Variants in PITPNC1 observed in about 807,000 individuals in gnomAD.
The protein encoded by PITPNC1 is cytoplasmic phosphatidylinositol transfer protein 1.
Under a neutral mutation model 44.7 loss-of-function variants are expected in PITPNC1, and 18 were observed. That is an observed-to-expected ratio of 0.40 (90% CI 0.28 to 0.60). The LOEUF is 0.60. Among genes scored for constraint, PITPNC1 ranks in the 20% least tolerant of loss-of-function variants. The probability of loss-of-function intolerance (pLI) is 0.39; values close to 1 mark genes in which losing one functional copy is unlikely to be tolerated. For missense variants in PITPNC1, 290 were observed against 418.4 expected, an observed-to-expected ratio of 0.69 and a Z score of 2.68; for synonymous variants, 141 against 149.6, an observed-to-expected ratio of 0.94 and a Z score of 0.42.
intron 6 of PITPNC1, among the ~76,000 whole-genome samples, chr17:67,652,689 A>G (rs1357377758): frequency 3.3e-5 from 5 of 152,206 alleles, no homozygotes; most frequent in Admixed American, 2.6e-4. Flanking sequence ...CCCTTGAGGC[A>G]AGAGCATCGC....
intron 6 of PITPNC1, among the ~76,000 whole-genome samples, chr17:67,643,922 C>G (rs969575793): frequency 1.3e-5 from 2 of 152,174 alleles, no homozygotes. Flanking sequence ...AGTGGCGTCA[C>G]AGGAGTTTGT....
At chr17:67,424,175 T>G (rs2038711021) in intron 1 of PITPNC1, among the ~76,000 whole-genome samples, 1 of 148,192 alleles carries the variant, frequency 6.7e-6, no homozygotes, top group Non-Finnish European at 1.5e-5. Flanking sequence ...GCAGGAAAAC[T>G]AGCGAATGGT....
intron 1 of PITPNC1, among the ~76,000 whole-genome samples, chr17:67,529,517 A>G (rs2040433336): frequency 6.6e-6 from 1 of 152,230 alleles, no homozygotes; most frequent in Non-Finnish European, 1.5e-5. Flanking sequence ...AGTGGCATCT[A>G]GTGCATTCTC....
chr17:67,507,041 C>T (rs2144080792), intron 1 of PITPNC1, among the ~76,000 whole-genome samples: 1 of 152,172 alleles, frequency 6.6e-6, no homozygotes, highest in East Asian at 1.9e-4. Flanking sequence ...CTTGTAATGA[C>T]ATAGACCCAC....
intron 5 of PITPNC1, among the ~76,000 whole-genome samples, chr17:67,585,232 A>C (rs2041297989): frequency 6.6e-6 from 1 of 152,174 alleles, no homozygotes; most frequent in South Asian, 2.1e-4. Flanking sequence ...AAGTGCTAGG[A>C]AAGCTATAAA....
chr17:67,383,871 C>G (rs1387866156), intron 1 of PITPNC1, among the ~76,000 whole-genome samples: 1 of 151,890 alleles, frequency 6.6e-6, no homozygotes, highest in Non-Finnish European at 1.5e-5. Flanking sequence ...AACCCCGTCT[C>G]TACTAAAAAT....
chr17:67,406,667 G>T (rs1598623613), intron 1 of PITPNC1, among the ~76,000 whole-genome samples: 1 of 151,072 alleles, frequency 6.6e-6, no homozygotes. Context: ...GCCCACTGCA[G>T]CATCCGCCTC....
At position 67,502,553 on chromosome 17, in the gene PITPNC1, G is replaced by A. The variant is rs368993468; in HGVS notation, c.49-30249G>A. ...GAACACTGGATGGAAGAGGATTGGGGGCAGCATTGGGGCTGTTGTCAGTAA... is the reference window on the plus strand; with the variant it reads ...GAACACTGGATGGAAGAGGATTGGGAGCAGCATTGGGGCTGTTGTCAGTAA... On this transcript the variant is annotated intron_variant, in intron 1 of 8. Transcript: ENST00000581322. Among the ~76,000 whole-genome samples, 14 of 152,242 alleles carry A rather than the reference G, an allele frequency of 9.2e-5. No homozygotes were observed. The East Asian group carries it at 2.5e-3, about 27-fold the overall frequency.
intron 1 of PITPNC1, among the ~76,000 whole-genome samples, chr17:67,386,278 G>A (rs1334033769): frequency 3.9e-5 from 6 of 152,138 alleles, no homozygotes; most frequent in African/African-American, 9.7e-5. Flanking sequence ...TGCAACCTCC[G>A]CCTCCCAGGT....
chr17:67,445,719 T>G (rs2039084018), intron 1 of PITPNC1, among the ~76,000 whole-genome samples: 1 of 152,096 alleles, frequency 6.6e-6, no homozygotes, highest in African/African-American at 2.4e-5. Flanking sequence ...CCCACTGGGT[T>G]TAATCCTTAT....
rs2144415872 is a variant in PITPNC1 at position 67,676,532 on chromosome 17, C to T, written c.682+990C>T. Among the ~76,000 whole-genome samples the T allele has an allele frequency of 6.6e-6, 1 of 152,196 alleles. No individual in the cohort carries two copies. Among genetic ancestry groups the T allele is most frequent in the East Asian group, 1.9e-4 (1 of 5,164 alleles). Reference sequence around the variant, plus strand: ...TGGCTATAAATAGAAAGGAACACGCCCCACCGGTGACTTAGGTTAGATCTG... The same window carrying T: ...TGGCTATAAATAGAAAGGAACACGCTCCACCGGTGACTTAGGTTAGATCTG... On this transcript the variant is annotated intron_variant, in intron 8 of 8. Transcript: ENST00000581322. The surrounding 1 kb of genome is among the most constrained non-coding windows in gnomAD (Gnocchi z 4.0).
chr17:67,662,886 A>G (rs1049645981), intron 6 of PITPNC1, among the ~76,000 whole-genome samples: 14 of 152,196 alleles, frequency 9.2e-5, no homozygotes, highest in Non-Finnish European at 1.9e-4. Flanking sequence ...TGTGGTGAGC[A>G]TAGTACCCCA....
chr17:67,625,061 T>C (rs2041879783), intron 5 of PITPNC1, among the ~76,000 whole-genome samples: 2 of 152,280 alleles, frequency 1.3e-5, no homozygotes, highest in East Asian at 3.9e-4. Context: ...ATTCACTCTC[T>C]AGTGTGTGTA....
intron 8 of PITPNC1, among the ~76,000 whole-genome samples, chr17:67,682,332 T>G (rs2042725389): frequency 6.6e-6 from 1 of 152,204 alleles, no homozygotes; most frequent in South Asian, 2.1e-4. Context: ...AACAGGATTA[T>G]CAATTAACAA....
intron 1 of PITPNC1, among the ~76,000 whole-genome samples, chr17:67,468,387 G>T (rs1210607581): frequency 6.7e-6 from 1 of 148,684 alleles, no homozygotes; most frequent in East Asian, 2.0e-4. Context: ...GAATGAACAG[G>T]TGGCTTTCTT....
chr17:67,525,955 T>C (rs1176675303), intron 1 of PITPNC1, among the ~76,000 whole-genome samples: 2 of 152,222 alleles, frequency 1.3e-5, no homozygotes, highest in South Asian at 2.1e-4. Flanking sequence ...TTAGGTGATA[T>C]GGCGTCCGCC....
In PITPNC1 at chr17:67,692,889, C is replaced by A. The variant is rs1409758411; in HGVS notation, c.*1C>A. On this transcript the variant is annotated 3_prime_UTR_variant, in exon 9 of 9. Coordinates refer to ENST00000581322, the MANE Select transcript of PITPNC1 (RefSeq NM_012417.4). Reference sequence around the variant, plus strand: ...GCCATGTCGGCCCAAATCTGAGTAACTTTATATAAATATCTCATGGGGTTT... The same window carrying A: ...GCCATGTCGGCCCAAATCTGAGTAAATTTATATAAATATCTCATGGGGTTT... The A allele has an allele frequency of 8.4e-6, 13 of 1,540,268 alleles. No individual in the cohort carries two copies. Among genetic ancestry groups the A allele is most frequent in the Middle Eastern group, 3.4e-4 (2 of 5,866 alleles).
At chr17:67,428,204 A>G (rs1040758519) in intron 1 of PITPNC1, among the ~76,000 whole-genome samples, 46 of 152,118 alleles carry the variant, frequency 3.0e-4, no homozygotes, top group Middle Eastern at 3.4e-3. Context: ...GGGTTTAGGA[A>G]TATTTAGTGT....
At chr17:67,408,371 A>C (rs2038431771) in intron 1 of PITPNC1, among the ~76,000 whole-genome samples, 1 of 149,894 alleles carries the variant, frequency 6.7e-6, no homozygotes, top group African/African-American at 2.5e-5. Context: ...CTCTACTAAA[A>C]ATACAAAAAT....
Sources: allele counts gnomAD v4.1 joint callset (sites outside exome capture counted in the v4.1 genomes callset), GRCh38; gene constraint gnomAD v4.1.1; non-coding constraint Gnocchi (gnomAD v3.1); transcripts MANE v1.5; gene names NCBI Gene and HGNC (gene_info 2026-07-23, HGNC 2026-07-21).